MYO10: variants seen among roughly 807,000 people sequenced by gnomAD.
MYO10 encodes the protein myosin X.
MYO10 carries 133 observed loss-of-function variants against 257.3 expected under a neutral mutation model. The ratio of observed to expected loss-of-function variants is 0.52; its 90% CI spans 0.45 to 0.60. The LOEUF (loss-of-function observed/expected upper bound fraction) is 0.60, where lower values mean the gene tolerates loss of function less well. MYO10 is among the 20% of genes least tolerant of loss of function. MYO10 has a pLI of 0.00. For missense variants in MYO10, 2,399 were observed against 2,635.7 expected (o/e 0.91, Z 1.97); for synonymous variants, 1,104 against 1,028.6 (o/e 1.07, Z -1.40).
In MYO10 at chr5:16,811,644, G is replaced by A. The variant is rs567369993; in HGVS notation, c.279+6365C>T. ...GGCTCACTGCTGCCTCAACCTCCCC[G>A]GCTCAGGCAATCCTCCCACCCCAGC... is the stretch of plus-strand genomic sequence containing the variant. On this transcript the variant is annotated intron_variant, in intron 3 of 40. Transcript: ENST00000513610. Among the ~76,000 whole-genome samples, 13 of 152,140 alleles carry A rather than the reference G, an allele frequency of 8.5e-5. No homozygotes were observed. The East Asian group carries it at 1.2e-3, about 14-fold the overall frequency.
Position 16,935,831 on chromosome 5 carries a change from C to A in MYO10, c.-23G>T. 10 of 1,612,140 alleles carry A rather than the reference C, an allele frequency of 6.2e-6. No homozygotes were observed. Among genetic ancestry groups the A allele is most frequent in the Non-Finnish European group, 8.5e-6 (10 of 1,179,358 alleles). On this transcript the variant is annotated 5_prime_UTR_variant, in exon 1 of 41. Coordinates refer to ENST00000513610, the MANE Select transcript of MYO10 (RefSeq NM_012334.3). ...CATTGTTCCAGCGCAGTCCCGGACT[C>A]GCCGAGTGCCGCTCCGACTCGCGGA...
chr5:16,884,441 T>C (rs555559368), intron 1 of MYO10, among the ~76,000 whole-genome samples: 154 of 152,268 alleles, frequency 1.0e-3, no homozygotes, highest in African/African-American at 3.4e-3. Flanking sequence ...TTGTAATGCA[T>C]AAGATAAATT....
chr5:16,830,454 G>A (rs942863840), intron 2 of MYO10, among the ~76,000 whole-genome samples: 10 of 151,610 alleles, frequency 6.6e-5, no homozygotes, highest in East Asian at 1.9e-4. Flanking sequence ...TAATTAGAAC[G>A]CTTTCTTGTT....
chr5:16,795,479 C>T (rs1050474375), intron 3 of MYO10, among the ~76,000 whole-genome samples: 1 of 152,078 alleles, frequency 6.6e-6, no homozygotes, highest in Admixed American at 6.6e-5. Flanking sequence ...TGATGCCTGC[C>T]TGTAATCCCT....
intron 1 of MYO10, among the ~76,000 whole-genome samples, chr5:16,927,307 T>C (rs903782827): frequency 6.6e-6 from 1 of 152,044 alleles, no homozygotes; most frequent in Non-Finnish European, 1.5e-5. Flanking sequence ...GCTTATGGTA[T>C]TTTCTTTTGT....
chr5:16,853,373 C>CA (rs5866209), intron 2 of MYO10, among the ~76,000 whole-genome samples: 28,782 of 129,026 alleles, frequency 0.22, 2,971 homozygotes, highest in East Asian at 0.29. Flanking sequence ...GACTCCGTCT[C>CA]AAAAAAAAAA....
chr5:16,742,018 T>C (rs1740033739), intron 19 of MYO10: 2 of 985,400 alleles, frequency 2.0e-6, no homozygotes, highest in Non-Finnish European at 2.4e-6. Flanking sequence ...GCTGACGTGA[T>C]AGGAACTGCT....
At chr5:16,681,566 T>G in intron 31 of MYO10, 63 bp from the exon 32 acceptor site, 1 of 1,454,100 alleles carries the variant, frequency 6.9e-7, no homozygotes, top group Non-Finnish European at 9.4e-7. Flanking sequence ...GACCACACAA[T>G]CATCTGCATA....
chr5:16,814,424 A>C (rs1443487240), intron 3 of MYO10: 1 of 152,204 alleles, frequency 6.6e-6, no homozygotes, highest in African/African-American at 2.4e-5. Context: ...CTGGGATTAC[A>C]GGCGTGAGCC....
At chr5:16,889,186 AT>A (rs36111825) in intron 1 of MYO10, among the ~76,000 whole-genome samples, 3,984 of 100,702 alleles carry the variant, frequency 0.04, 213 homozygotes, top group African/African-American at 0.15. Context: ...ATTTAAAAAA[AT>A]TTAAAAAAAA....
intron 3 of MYO10, among the ~76,000 whole-genome samples, chr5:16,809,529 C>A (rs1260004969): frequency 6.6e-6 from 1 of 152,230 alleles, no homozygotes; most frequent in Non-Finnish European, 1.5e-5. Flanking sequence ...CTCTGTTCAA[C>A]CGGCTGCTAA....
At chr5:16,699,392 G>A in intron 26 of MYO10, 58 bp downstream of exon 26, 2 of 1,578,952 alleles carry the variant, frequency 1.3e-6, no homozygotes, top group South Asian at 1.2e-5. Flanking sequence ...CATCAGCCCG[G>A]ATAAAATAAC....
At chr5:16,899,637 A>AAC (rs1554007338) in intron 1 of MYO10, among the ~76,000 whole-genome samples, 4 of 151,886 alleles carry the variant, frequency 2.6e-5, no homozygotes, top group African/African-American at 9.7e-5. Flanking sequence ...TCAAAAAAAA[A>AAC]AAAAACAAAA....
intron 2 of MYO10, among the ~76,000 whole-genome samples, chr5:16,840,306 C>A (rs1580060343): frequency 6.6e-6 from 1 of 151,942 alleles, no homozygotes; most frequent in Non-Finnish European, 1.5e-5. Context: ...CAGCTACTTG[C>A]GAGGCTGAGG....
Position 16,666,787 on chromosome 5 carries a change from C to G in MYO10, c.6082G>C (p.Asp2028His). Residue 2028 changes from aspartate (D) to histidine (H), a missense_variant, in exon 41 of 41, where the codon GAT becomes CAT. Asp to His is a moderately conservative substitution (Grantham distance 81). Coordinates refer to ENST00000513610, the MANE Select transcript of MYO10 (RefSeq NM_012334.3). ...TAGGCTTTCATGAGCTTGGCCACAT[C>G]CACCACCTGCCCAGGGGGAAGCAGA... ...ELLFETSEVVDVAKLMKAYIS... is the reference protein window; with the variant it reads ...ELLFETSEVVHVAKLMKAYIS... The G allele has an allele frequency of 1.3e-6, 2 of 1,599,758 alleles. No homozygotes were observed. Among genetic ancestry groups the G allele is most frequent in the Non-Finnish European group, 8.5e-7 (1 of 1,174,744 alleles).
chr5:16,924,414 G>A (rs1746075408), intron 1 of MYO10, among the ~76,000 whole-genome samples: 1 of 152,096 alleles, frequency 6.6e-6, no homozygotes, highest in African/African-American at 2.4e-5. Context: ...AATACATCAT[G>A]ACAGGGTCTC....
intron 19 of MYO10, among the ~76,000 whole-genome samples, chr5:16,736,573 T>C (rs547340913): frequency 3.3e-4 from 50 of 152,316 alleles, no homozygotes; most frequent in Non-Finnish European, 4.9e-4. Context: ...CAGGACCTTA[T>C]TTCCCTAATT....
intron 1 of MYO10, chr5:16,902,226 A>T (rs113780948): frequency 0.018 from 10,740 of 596,876 alleles, 592 homozygotes; most frequent in African/African-American, 0.16. Flanking sequence ...TTTTTTTTTT[A>T]AAGTACAATT....
intron 3 of MYO10, among the ~76,000 whole-genome samples, chr5:16,809,235 C>T (rs1044178672): frequency 2.0e-5 from 3 of 152,024 alleles, no homozygotes; most frequent in African/African-American, 4.8e-5. Context: ...TGTGTTCAAA[C>T]TGCACTGCGT....
Sources: allele counts gnomAD v4.1 joint callset (sites outside exome capture counted in the v4.1 genomes callset), GRCh38; gene constraint gnomAD v4.1.1; transcripts MANE v1.5; gene names NCBI Gene and HGNC (gene_info 2026-07-23, HGNC 2026-07-21).